The following DDX31 variants were observed in gnomAD, a reference collection of about 807,000 sequenced individuals.
The protein encoded by DDX31 is DEAD-box helicase 31.
DDX31 carries 70 observed loss-of-function variants against 91.3 expected under a neutral mutation model. That is an observed-to-expected ratio of 0.77 (90% CI 0.63 to 0.94). The LOEUF (loss-of-function observed/expected upper bound fraction) is 0.94. Ranked by LOEUF, DDX31 falls within the 40% of genes least tolerant of loss-of-function variation. The pLI is 0.00. For missense variants in DDX31, 902 were observed against 925.0 expected, an observed-to-expected ratio of 0.98 and a Z score of 0.32; for synonymous variants, 362 against 350.6, an observed-to-expected ratio of 1.03 and a Z score of -0.36.
At chr9:132,597,141 G>A (rs544970469) in intron 19 of DDX31, among the ~76,000 whole-genome samples, 33 of 152,320 alleles carry the variant, frequency 2.2e-4, no homozygotes, top group East Asian at 1.7e-3. Flanking sequence ...CTGGTGCTAC[G>A]GCCCCTGACA....
intron 19 of DDX31, among the ~76,000 whole-genome samples, chr9:132,611,868 G>A (rs996429609): frequency 6.6e-6 from 1 of 152,044 alleles, no homozygotes; most frequent in Non-Finnish European, 1.5e-5. Flanking sequence ...CTCCGACTAC[G>A]TTTGGGCCCT....
chr9:132,645,881 AGAT>A lies in DDX31; in HGVS notation c.1380+11_1380+13del. The A allele has an allele frequency of 6.2e-7, 1 of 1,602,152 alleles. No homozygotes were observed. Among genetic ancestry groups the A allele is most frequent in the Non-Finnish European group, 8.5e-7 (1 of 1,171,836 alleles). ...GCCGCAGTGTTGTCGCTGCACAGGGAGATCAGTGCTCACCTCCTGCTCCATGCC... is the reference window on the plus strand; with the variant it reads ...GCCGCAGTGTTGTCGCTGCACAGGGACAGTGCTCACCTCCTGCTCCATGCC... On this transcript the variant is annotated intron_variant, in intron 13 of 19. Coordinates refer to ENST00000372159, the MANE Select transcript of DDX31 (RefSeq NM_022779.9).
At chr9:132,668,553 G>T (rs1468880447) in intron 1 of DDX31, among the ~76,000 whole-genome samples, 1 of 142,530 alleles carries the variant, frequency 7.0e-6, no homozygotes, top group Non-Finnish European at 1.5e-5. Flanking sequence ...ATGTGCCCAA[G>T]GTGGTCGGGG....
intron 4 of DDX31, 103 bp downstream of exon 4, chr9:132,661,105 T>C: frequency 1.0e-6 from 1 of 977,526 alleles, no homozygotes; most frequent in Non-Finnish European, 1.6e-6. Context: ...TGGCACTGTG[T>C]TCCAACGCCA....
In DDX31 at chr9:132,593,479, T is replaced by C. The variant is rs1334352979; in HGVS notation, c.*1387A>G. The C allele has an allele frequency of 1.3e-5, 2 of 152,224 alleles. No homozygotes were observed. Among genetic ancestry groups the C allele is most frequent in the East Asian group, 3.8e-4 (2 of 5,200 alleles). The allele number at this position is 152,224 out of a possible 1,614,324, so 9.4% of individuals were successfully genotyped here. A position where few individuals can be genotyped will look rare whatever the true frequency, so the allele number is the denominator to read the frequency against. ...CAGGCTGACATGTGCTGCAGGGTTG[T>C]TGTTTTTTAATTATTATTGTTAGAA... is the stretch of plus-strand genomic sequence containing the variant. On this transcript the variant is annotated 3_prime_UTR_variant, in exon 20 of 20. Transcript: ENST00000372159.
At chr9:132,656,096 A>T (rs558295619) in intron 6 of DDX31, among the ~76,000 whole-genome samples, 3 of 152,272 alleles carry the variant, frequency 2.0e-5, no homozygotes, top group East Asian at 3.9e-4. Context: ...GATGGATATG[A>T]TGTTAAAAAA....
chr9:132,612,282 A>G (rs969355965), intron 18 of DDX31, 27 bp from the exon 19 acceptor site: 3 of 1,613,616 alleles, frequency 1.9e-6, no homozygotes, highest in Non-Finnish European at 1.7e-6. Context: ...CGGGGAGGGA[A>G]GCTGTCAGGA....
chr9:132,653,988 T>C (rs1180478951), intron 6 of DDX31, among the ~76,000 whole-genome samples: 3 of 151,928 alleles, frequency 2.0e-5, no homozygotes, highest in Non-Finnish European at 4.4e-5. Context: ...ATCAAATAGA[T>C]AACAAAATTT....
At chr9:132,630,205 A>T in intron 16 of DDX31, 59 bp downstream of exon 16, 2 of 1,498,624 alleles carry the variant, frequency 1.3e-6, no homozygotes, top group Non-Finnish European at 1.8e-6. Flanking sequence ...CACTGTAAAA[A>T]GCGACAGAAA....
intron 13 of DDX31, 102 bp from the exon 14 acceptor site, chr9:132,642,165 A>AT: frequency 9.8e-7 from 1 of 1,017,382 alleles, no homozygotes; most frequent in Non-Finnish European, 1.5e-6. Context: ...TGCTAGAGCT[A>AT]TTTTCAGGCA....
chr9:132,658,177 A>C, intron 6 of DDX31: 1 of 653,858 alleles, frequency 1.5e-6, no homozygotes, highest in Non-Finnish European at 2.8e-6. Flanking sequence ...GCCCCTACAT[A>C]GCACAGGAGC....
At chr9:132,627,244 T>C (rs144706096) in intron 16 of DDX31, among the ~76,000 whole-genome samples, 4 of 152,306 alleles carry the variant, frequency 2.6e-5, no homozygotes, top group Non-Finnish European at 5.9e-5. Context: ...AGTAAGGCAG[T>C]GTTCTCAAAT....
Position 132,660,981 on chromosome 9 carries a change from G to A in DDX31, c.452+227C>T, listed in dbSNP as rs1328461938. On this transcript the variant is annotated intron_variant, in intron 4 of 19. Coordinates refer to ENST00000372159, the MANE Select transcript of DDX31 (RefSeq NM_022779.9). Reference sequence around the variant, plus strand: ...ATGCAGCCCACCTTCTGGATGAGACGTCTCTTGCGGTTCAGAGCCAAGGGC... The same window carrying A: ...ATGCAGCCCACCTTCTGGATGAGACATCTCTTGCGGTTCAGAGCCAAGGGC... 1.2e-5 allele frequency: 6 copies of A among 516,288 alleles called. No individual in the cohort carries two copies. In the Admixed American group the frequency reaches 1.2e-4, roughly 10 times the overall value. 32.0% of individuals were successfully genotyped at this position (516,288 alleles called of 1,614,324 possible).
At chr9:132,628,454 G>T (rs1435648718) in intron 16 of DDX31, among the ~76,000 whole-genome samples, 1 of 152,206 alleles carries the variant, frequency 6.6e-6, no homozygotes, top group Non-Finnish European at 1.5e-5. Flanking sequence ...AGCAGATGAT[G>T]GTATTTGTTA....
chr9:132,664,625 C>T (rs1835191566), intron 1 of DDX31, among the ~76,000 whole-genome samples: 1 of 151,018 alleles, frequency 6.6e-6, no homozygotes, highest in Non-Finnish European at 1.5e-5. Flanking sequence ...GGGGGCATCA[C>T]CTGAGCCCGG....
chr9:132,612,841 G>GCC (rs1339355511), intron 18 of DDX31, among the ~76,000 whole-genome samples: 1 of 152,106 alleles, frequency 6.6e-6, no homozygotes, highest in East Asian at 1.9e-4. Flanking sequence ...TTCACCACAA[G>GCC]CCCCACCTCC....
chr9:132,636,084 C>T (rs1012591906), intron 14 of DDX31, among the ~76,000 whole-genome samples: 1 of 152,216 alleles, frequency 6.6e-6, no homozygotes, highest in Non-Finnish European at 1.5e-5. Context: ...TGTCTGTCTT[C>T]ACTCGTAACT....
chr9:132,655,489 T>C (rs1346823550), intron 6 of DDX31, among the ~76,000 whole-genome samples: 1 of 152,160 alleles, frequency 6.6e-6, no homozygotes, highest in Non-Finnish European at 1.5e-5. Flanking sequence ...ATTTGCTTGA[T>C]ATGCAGAGAA....
chr9:132,600,824 C>A (rs903880400), intron 19 of DDX31, among the ~76,000 whole-genome samples: 3 of 152,176 alleles, frequency 2.0e-5, no homozygotes, highest in Non-Finnish European at 4.4e-5. Flanking sequence ...TTCTGCCACT[C>A]GCCTAGCTGA....
Sources: gnomAD v4.1 joint callset for allele counts (sites outside exome capture counted in the v4.1 genomes callset) on GRCh38, gnomAD v4.1.1 for gene constraint, MANE v1.5 for transcripts, NCBI Gene and HGNC (gene_info 2026-07-23, HGNC 2026-07-21) for gene names.